Variants in ZNF517 observed in about 807,000 individuals in gnomAD.
ZNF517 encodes the protein zinc finger protein 517.
A neutral mutation model predicts 12.1 loss-of-function variants in ZNF517; 12 were observed. The observed-to-expected ratio is 0.99, with a 90% CI of 0.63 to 1.61. ZNF517 has a LOEUF of 1.61. Among genes scored for constraint, ZNF517 ranks in the 40% most tolerant of loss-of-function variants. ZNF517 has a pLI of 0.00. For missense variants in ZNF517, 781 were observed against 693.2 expected (o/e 1.13, Z -1.42); for synonymous variants, 388 against 310.2 (o/e 1.25, Z -2.63).
At chr8:144,812,023 G>A (rs1343409746), downstream of ZNF517, among the ~76,000 whole-genome samples, 1 of 138,898 alleles carries the variant, frequency 7.2e-6, no homozygotes, top group African/African-American at 2.8e-5. Flanking sequence ...GAGAGACACC[G>A]ACAGTAAAGC....
chr8:144,807,385 A>G lies in ZNF517; in HGVS notation c.469A>G (p.Ser157Gly), dbSNP rs376092382. The G allele has an allele frequency of 6.4e-7, 1 of 1,557,756 alleles. No homozygotes were observed. Among genetic ancestry groups the G allele is most frequent in the East Asian group, 2.4e-5 (1 of 41,182 alleles). ...KPTHPRAREH[S>G]ASPRVLQEDL... ...CACCCACCCCCGGGCTCGGGAGCACAGCGCCTCCCCAAGGGTTCTGCAGGA... is the reference window on the plus strand; with the variant it reads ...CACCCACCCCCGGGCTCGGGAGCACGGCGCCTCCCCAAGGGTTCTGCAGGA... The change falls in exon 5 of 5, where the codon AGC (serine) becomes GGC (glycine). Residue 157 changes from serine (S) to glycine (G), a missense_variant. By Grantham distance (56) the Ser-to-Gly change is moderately conservative (BLOSUM62 0). Coordinates refer to ENST00000359971, the MANE Select transcript of ZNF517 (RefSeq NM_213605.3).
chr8:144,812,509 G>C (rs1312283337), downstream of ZNF517, among the ~76,000 whole-genome samples: 76 of 113,516 alleles, frequency 6.7e-4, no homozygotes, highest in East Asian at 1.7e-3. Context: ...GTGGGAGAGA[G>C]ACGGACAGTA....
At chr8:144,812,659 C>A (rs1306549037), downstream of ZNF517, among the ~76,000 whole-genome samples, 1 of 152,238 alleles carries the variant, frequency 6.6e-6, no homozygotes, top group Non-Finnish European at 1.5e-5. Flanking sequence ...TTGCCACTTT[C>A]TTCCTGTTAC....
rs75756310 is a variant in ZNF517 at position 144,804,675 on chromosome 8, C to T, written c.274+437C>T. On this transcript the variant is annotated intron_variant, in intron 4 of 4. Coordinates refer to ENST00000359971, the MANE Select transcript of ZNF517 (RefSeq NM_213605.3). ...GGTAGTGGTCCTGAATGCCTGGCTG[C>T]GCTGTTATTTATTGGATACAAGGCG... 3.9e-5 allele frequency among the ~76,000 whole-genome samples: 6 copies of T among 151,998 alleles called. No individual in the cohort carries two copies. In the East Asian group the frequency reaches 7.7e-4, roughly 20 times the overall value.
chr8:144,810,241 C>G (rs1827511397), downstream of ZNF517: 1 of 672,498 alleles, frequency 1.5e-6, no homozygotes, highest in Non-Finnish European at 2.7e-6. Flanking sequence ...GGGGAGCACC[C>G]TGTCACCCCT....
intron 2 of ZNF517, chr8:144,803,292 G>T: frequency 2.2e-6 from 1 of 463,678 alleles, no homozygotes; most frequent in East Asian, 3.6e-5. Flanking sequence ...CTCACTGCTG[G>T]TGTTAGAAAT....
At chr8:144,800,873 C>CGCCCAGG (rs1398790613) in intron 1 of ZNF517, among the ~76,000 whole-genome samples, 1 of 152,226 alleles carries the variant, frequency 6.6e-6, no homozygotes, top group Non-Finnish European at 1.5e-5. Context: ...CTCACTCTGT[C>CGCCCAGG]GCCCAGGCTG....
chr8:144,805,284 T>C (rs979350860), intron 4 of ZNF517, among the ~76,000 whole-genome samples: 3 of 152,222 alleles, frequency 2.0e-5, no homozygotes, highest in Non-Finnish European at 4.4e-5. Context: ...AGCTCCTATC[T>C]CTGTATGGCC....
chr8:144,801,086 C>T (rs1826936365), intron 1 of ZNF517, among the ~76,000 whole-genome samples: 2 of 152,120 alleles, frequency 1.3e-5, no homozygotes, highest in African/African-American at 4.8e-5. Flanking sequence ...TCATCGGCCT[C>T]CTAAAGTGCT....
At chr8:144,806,546 G>A (rs1187507166) in intron 4 of ZNF517, among the ~76,000 whole-genome samples, 2 of 149,974 alleles carry the variant, frequency 1.3e-5, no homozygotes, top group Non-Finnish European at 3.0e-5. Context: ...GTGCAGTGGT[G>A]CGGTCTTGGC....
rs113147957 is a variant in ZNF517 at position 144,804,073 on chromosome 8, G to A, written c.161-52G>A. 1.7e-4 allele frequency: 266 copies of A among 1,554,634 alleles called. 1 individual carries two copies. In the East Asian group the frequency reaches 5.1e-3, roughly 30 times the overall value. On this transcript the variant is annotated intron_variant, in intron 3 of 4. Transcript: ENST00000359971. ...ATGGCCTCCAGCCAGGCACCTGGGC[G>A]TCCCTTCTCCCTCCTGTACTGATAC...
At chr8:144,800,189 G>T (rs1826888909) in intron 1 of ZNF517, among the ~76,000 whole-genome samples, 1 of 151,940 alleles carries the variant, frequency 6.6e-6, no homozygotes, top group Non-Finnish European at 1.5e-5. Flanking sequence ...ATTTCTTGGT[G>T]GTCCTTCATC....
In ZNF517 at chr8:144,800,407, T is replaced by C. The variant is rs562508567; in HGVS notation, c.-46+1470T>C. On this transcript the variant is annotated intron_variant, in intron 1 of 4. Coordinates refer to ENST00000359971, the MANE Select transcript of ZNF517 (RefSeq NM_213605.3). ...CCTGAGGACATGCACTCCCTAGACA[T>C]GAGCAAACACAAAGCAGCAGTAACT... 1.0e-3 allele frequency: 918 copies of C among 887,856 alleles called. 3 individuals carry two copies. Among genetic ancestry groups the C allele is most frequent in the Non-Finnish European group, 1.2e-3 (886 of 741,078 alleles). The allele number at this position is 887,856 out of a possible 1,614,324, so 55.0% of individuals were successfully genotyped here.
intron 1 of ZNF517, among the ~76,000 whole-genome samples, chr8:144,802,590 C>T (rs945851253): frequency 2.0e-5 from 3 of 151,958 alleles, no homozygotes; most frequent in Non-Finnish European, 4.4e-5. Flanking sequence ...AAGCAAGGAG[C>T]GAGGATAAGG....
chr8:144,799,720 C>T (rs1299502684), intron 1 of ZNF517, among the ~76,000 whole-genome samples: 1 of 152,162 alleles, frequency 6.6e-6, no homozygotes, highest in Non-Finnish European at 1.5e-5. Flanking sequence ...GCGGGCGGAT[C>T]ACGAGGTCAG....
In ZNF517 at chr8:144,802,951, A is replaced by T. The variant is rs994696122; in HGVS notation, c.33+4A>T. 9.3e-6 allele frequency: 15 copies of T among 1,613,778 alleles called. No individual in the cohort carries two copies. The highest frequency in any genetic ancestry group is 1.2e-5 in the Non-Finnish European group (14 of 1,179,892). On this transcript the variant is annotated splice_donor_region_variant and intron_variant, in intron 2 of 4. Transcript: ENST00000359971. ...ACTCCCGATGCCTGGACCTCAGGTG[A>T]GCACCCCCTGAGCCCGTCCATTGCC...
intron 4 of ZNF517, among the ~76,000 whole-genome samples, chr8:144,804,773 CAG>C (rs1827140256): frequency 6.6e-6 from 1 of 152,316 alleles, no homozygotes; most frequent in Admixed American, 6.5e-5. Flanking sequence ...GTTCACCGGA[CAG>C]GGGGTCCTTC....
At chr8:144,804,861 T>C (rs1029300630) in intron 4 of ZNF517, among the ~76,000 whole-genome samples, 25 of 152,220 alleles carry the variant, frequency 1.6e-4, no homozygotes, top group Admixed American at 2.0e-4. Flanking sequence ...TTAATGACTT[T>C]TAGTACTTTC....
intron 2 of ZNF517, 72 bp from the exon 3 acceptor site, chr8:144,803,569 T>C (rs189254037): frequency 8.5e-5 from 135 of 1,587,296 alleles, no homozygotes; most frequent in Non-Finnish European, 1.1e-4. Context: ...TAGCAGATCA[T>C]GCAAATGTTT....
Sources: gnomAD v4.1 joint callset for allele counts (sites outside exome capture counted in the v4.1 genomes callset) on GRCh38, gnomAD v4.1.1 for gene constraint, MANE v1.5 for transcripts, NCBI Gene and HGNC (gene_info 2026-07-23, HGNC 2026-07-21) for gene names.